The following ZNF790 variants were observed in gnomAD, a reference collection of about 807,000 sequenced individuals.
ZNF790 encodes zinc finger protein 790.
In ZNF790, 8 loss-of-function variants were observed where a neutral mutation model predicts 12.1. That is an observed-to-expected ratio of 0.66 (90% CI 0.39 to 1.19). The LOEUF (loss-of-function observed/expected upper bound fraction) is 1.19, where lower values mean the gene tolerates loss of function less well. ZNF790 is among the 50% of genes most tolerant of loss of function. The pLI is 0.01. For synonymous variants in ZNF790, 252 were observed against 244.3 expected, an observed-to-expected ratio of 1.03 and a Z score of -0.29; for missense variants, 707 against 752.2, an observed-to-expected ratio of 0.94 and a Z score of 0.70.
chr19:36,825,006 G>GCAGTC (rs2071766367), intron 2 of ZNF790, among the ~76,000 whole-genome samples: 1 of 151,268 alleles, frequency 6.6e-6, no homozygotes, highest in South Asian at 2.1e-4. Context: ...AGTGTCATAA[G>GCAGTC]TGATTACTGT....
chr19:36,823,513 G>C, intron 3 of ZNF790, 133 bp from the exon 4 acceptor site: 1 of 1,246,914 alleles, frequency 8.0e-7, no homozygotes, highest in Non-Finnish European at 1.1e-6. Context: ...GGGAAAGATG[G>C]AAGTGCCCAC....
chr19:36,843,181 C>T (rs2146093109), upstream of ZNF790, among the ~76,000 whole-genome samples: 1 of 152,180 alleles, frequency 6.6e-6, no homozygotes, highest in East Asian at 1.9e-4. Context: ...GTTTTCTGGG[C>T]CTAAAAACAC....
chr19:36,845,851 C>T (rs1439625540), intron 1 of ZNF790, among the ~76,000 whole-genome samples: 1 of 151,752 alleles, frequency 6.6e-6, no homozygotes, highest in Non-Finnish European at 1.5e-5. Context: ...TCTTGTTGCC[C>T]AGGCTGGAGT....
intron 1 of ZNF790, among the ~76,000 whole-genome samples, chr19:36,831,915 G>A (rs1180781522): frequency 6.6e-6 from 1 of 152,152 alleles, no homozygotes; most frequent in East Asian, 1.9e-4. Flanking sequence ...AACTCATGGG[G>A]AATCAAGATA....
At chr19:36,837,303 T>A (rs1179173499) in intron 1 of ZNF790, among the ~76,000 whole-genome samples, 1 of 152,188 alleles carries the variant, frequency 6.6e-6, no homozygotes, top group Non-Finnish European at 1.5e-5. Context: ...GAACACGCCC[T>A]AACATTCTGA....
intron 4 of ZNF790, among the ~76,000 whole-genome samples, chr19:36,821,979 T>G (rs921171396): frequency 2.0e-5 from 3 of 152,238 alleles, no homozygotes; most frequent in African/African-American, 7.2e-5. Flanking sequence ...GACCAGAAAC[T>G]GTTATCACCT....
intron 1 of ZNF790, among the ~76,000 whole-genome samples, chr19:36,843,668 G>T (rs929458960): frequency 1.3e-5 from 2 of 152,128 alleles, no homozygotes; most frequent in African/African-American, 4.8e-5. Context: ...ATTTTAAAAA[G>T]TATTAAGCAT....
At chr19:36,836,294 T>G (rs1017661951) in intron 1 of ZNF790, among the ~76,000 whole-genome samples, 17 of 151,976 alleles carry the variant, frequency 1.1e-4, no homozygotes, top group African/African-American at 3.9e-4. Flanking sequence ...AGAAGTTTAG[T>G]CTAAGATGAA....
At chr19:36,822,478 G>A (rs1568335168) in intron 4 of ZNF790, among the ~76,000 whole-genome samples, 1 of 152,106 alleles carries the variant, frequency 6.6e-6, no homozygotes, top group Admixed American at 6.6e-5. Flanking sequence ...TTTGAGAAAA[G>A]GTTTTGTCTC....
In ZNF790 at chr19:36,819,528, A is replaced by G. The variant is rs769462885; in HGVS notation, c.816T>C (p.His272=). ...AFRFHSQLSV[H]KRIHTGEKSY... The stretch of plus-strand genomic sequence containing the variant: ...ATTTCTCACCAGTATGAATTCGCTT[A>G]TGGACACTAAGTTGTGAATGAAATC... The change falls in exon 5 of 5, where the codon CAT becomes CAC. Residue 272 remains histidine (H), a synonymous_variant. Transcript: ENST00000356725. 1.9e-6 allele frequency: 3 copies of G among 1,613,196 alleles called. No individual in the cohort carries two copies. Among genetic ancestry groups the G allele is most frequent in the Admixed American group, 3.3e-5 (2 of 59,884 alleles).
chr19:36,819,192 A>T lies in ZNF790; in HGVS notation c.1152T>A (p.His384Gln), dbSNP rs1256509032. The change falls in exon 5 of 5, where the codon CAT becomes CAA. Residue 384 changes from histidine (H) to glutamine (Q), a missense_variant. Transcript: ENST00000356725. ...GTTTCCTACCAACATGAACATTCTG[A>T]TGTTGAGCAAGATTTGAACCACGAA... ...AFIRGSNLAQ[H>Q]QNVHVGRKPY... is the part of the protein sequence containing the mutation. The T allele has an allele frequency of 1.2e-6, 2 of 1,613,914 alleles. No individual in the cohort carries two copies. Among genetic ancestry groups the T allele is most frequent in the Admixed American group, 1.7e-5 (1 of 59,978 alleles).
upstream of ZNF790, among the ~76,000 whole-genome samples, chr19:36,838,672 A>G (rs1051392764): frequency 6.6e-6 from 1 of 152,180 alleles, no homozygotes; most frequent in Admixed American, 6.5e-5. The surrounding 1 kb of genome is among the most constrained non-coding windows in gnomAD (Gnocchi z 4.4). Context: ...GGAACAGGAC[A>G]GTAAGCCCAG....
chr19:36,828,707 C>G (rs952892683), intron 1 of ZNF790, among the ~76,000 whole-genome samples: 1 of 152,096 alleles, frequency 6.6e-6, no homozygotes, highest in Non-Finnish European at 1.5e-5. Flanking sequence ...AAACTCCTGG[C>G]CTCAAGAAAT....
chr19:36,827,141 C>CACACACACACACACACACACACACACAT (rs1313807327), intron 1 of ZNF790, among the ~76,000 whole-genome samples: 1 of 84,438 alleles, frequency 1.2e-5, no homozygotes, highest in Non-Finnish European at 2.1e-5. Flanking sequence ...CACACACACA[C>CACACACACACACACACACACACACACAT]ATATATATAT....
At chr19:36,836,265 T>C (rs2072042628) in intron 1 of ZNF790, among the ~76,000 whole-genome samples, 1 of 152,098 alleles carries the variant, frequency 6.6e-6, no homozygotes. Context: ...CCCCACTTAG[T>C]TGCCTTCACC....
intron 1 of ZNF790, among the ~76,000 whole-genome samples, chr19:36,826,383 G>A (rs2071798905): frequency 6.6e-6 from 1 of 151,900 alleles, no homozygotes; most frequent in African/African-American, 2.4e-5. Flanking sequence ...AGGAGATGAA[G>A]ACCATCTTGG....
chr19:36,846,802 G>C (rs187085555), intron 1 of ZNF790, among the ~76,000 whole-genome samples: 3 of 152,230 alleles, frequency 2.0e-5, no homozygotes, highest in African/African-American at 7.2e-5. Context: ...CTTATTTTCT[G>C]TATTCTTGAT....
chr19:36,845,294 C>T (rs906370878), intron 1 of ZNF790, among the ~76,000 whole-genome samples: 16 of 151,190 alleles, frequency 1.1e-4, no homozygotes, highest in Non-Finnish European at 1.5e-4. Context: ...CGCACACCTG[C>T]GGTTCCAGCT....
At chr19:36,838,445 T>C (rs1258293247), upstream of ZNF790, 1 of 152,268 alleles carries the variant, frequency 6.6e-6, no homozygotes, top group Non-Finnish European at 1.5e-5. The surrounding 1 kb of genome is among the most constrained non-coding windows in gnomAD (Gnocchi z 4.4). Context: ...CTCTGGGAAA[T>C]GTAGTCCGGA....
Sources: allele counts gnomAD v4.1 joint callset (sites outside exome capture counted in the v4.1 genomes callset), GRCh38; gene constraint gnomAD v4.1.1; non-coding constraint Gnocchi (gnomAD v3.1); transcripts MANE v1.5; gene names NCBI Gene and HGNC (gene_info 2026-07-23, HGNC 2026-07-21).